Variants in CD8B2 observed in about 807,000 individuals in gnomAD.
CD8B2 encodes CD8B family member 2.
CD8B2 carries 11 observed loss-of-function variants against 23.7 expected under a neutral mutation model. The ratio of observed to expected loss-of-function variants is 0.46; its 90% CI spans 0.29 to 0.77. CD8B2 has a LOEUF of 0.77. Ranked by LOEUF, CD8B2 falls within the 30% of genes least tolerant of loss-of-function variation. The pLI, the probability that CD8B2 is intolerant of heterozygous loss-of-function variation, is 0.09. For missense variants in CD8B2, 197 were observed against 270.5 expected (o/e 0.73, Z 1.91); for synonymous variants, 90 against 109.3 (o/e 0.82, Z 1.10).
downstream of CD8B2, among the ~76,000 whole-genome samples, chr2:106,513,058 A>G (rs1004395111): frequency 1.4e-4 from 22 of 152,166 alleles, no homozygotes; most frequent in Admixed American, 2.6e-4. Flanking sequence ...CCACAAGCTG[A>G]GAGCACAGCC....
intron 1 of CD8B2, 70 bp downstream of exon 1, chr2:106,487,539 C>T (rs1679100570): frequency 7.4e-6 from 7 of 943,840 alleles, no homozygotes; most frequent in Non-Finnish European, 9.7e-6. Flanking sequence ...TGATACGTGG[C>T]TGTCCTGGCC....
chr2:106,506,794 C>T (rs1414091030), intron 5 of CD8B2, 134 bp from the exon 6 acceptor site: 10 of 1,208,604 alleles, frequency 8.3e-6, no homozygotes, highest in Non-Finnish European at 1.0e-5. Flanking sequence ...TAGAAACATA[C>T]TAACAAAAAA....
At chr2:106,514,390 C>T (rs371323040), downstream of CD8B2, among the ~76,000 whole-genome samples, 1 of 150,932 alleles carries the variant, frequency 6.6e-6, no homozygotes, top group East Asian at 2.0e-4. Context: ...CGGGTTCAAG[C>T]GATTCTCCTG....
chr2:106,488,167 G>T (rs1679115684), intron 1 of CD8B2, among the ~76,000 whole-genome samples: 2 of 152,044 alleles, frequency 1.3e-5, no homozygotes, highest in Admixed American at 6.6e-5. Context: ...TGCCCAAAAA[G>T]CCCAAAGCTG....
intron 3 of CD8B2, among the ~76,000 whole-genome samples, chr2:106,499,015 G>A (rs1573332559): frequency 6.6e-6 from 1 of 152,126 alleles, no homozygotes; most frequent in Non-Finnish European, 1.5e-5. Context: ...GGCTGGGGGT[G>A]TCATTGGTGT....
At chr2:106,527,129 T>C (rs533599153) in intron 5 of CD8B2, among the ~76,000 whole-genome samples, 1 of 152,322 alleles carries the variant, frequency 6.6e-6, no homozygotes, top group South Asian at 2.1e-4. Flanking sequence ...ACTTCTATAT[T>C]TAACTTTTTG....
chr2:106,506,995 C>T lies in CD8B2; in HGVS notation c.*55C>T. 1.9e-6 allele frequency: 3 copies of T among 1,549,840 alleles called. No homozygotes were observed. Among genetic ancestry groups the T allele is most frequent in the South Asian group, 1.3e-5 (1 of 79,482 alleles). ...CAAAAAGACATCGGTCAGTAACGAG[C>T]ACGATGTGGAAAAATGAGAGAAGGG... On this transcript the variant is annotated 3_prime_UTR_variant, in exon 6 of 6. Transcript: ENST00000643224.
rs13414724 is a variant in CD8B2, at chr2:106,503,088, T to G, written c.583+525T>G. 8.4e-3 allele frequency among the ~76,000 whole-genome samples: 1,223 copies of G among 144,944 alleles called. 26 individuals carry two copies. Among genetic ancestry groups the G allele is most frequent in the African/African-American group, 0.029 (1,143 of 39,062 alleles). On this transcript the variant is annotated intron_variant, in intron 4 of 5. Coordinates refer to ENST00000643224, the MANE Select transcript of CD8B2 (RefSeq NM_001349727.2). ...TGCTGCTCCCAGCCACCCCAGAGAC[T>G]GGACTGTTTCCTTCTATGGCCCCCA...
chr2:106,527,223 T>G (rs1679918877), intron 5 of CD8B2, among the ~76,000 whole-genome samples: 1 of 152,320 alleles, frequency 6.6e-6, no homozygotes, highest in Non-Finnish European at 1.5e-5. Context: ...TTGCACATCC[T>G]TGCTAGCACT....
chr2:106,538,271 G>A (rs1680119905), intron 5 of CD8B2, among the ~76,000 whole-genome samples: 1 of 152,178 alleles, frequency 6.6e-6, no homozygotes, highest in African/African-American at 2.4e-5. Context: ...GGCTGAGGAA[G>A]GTTTAGGCTG....
Position 106,507,346 on chromosome 2 carries a change from G to A in CD8B2, c.*406G>A, listed in dbSNP as rs1412308442. On this transcript the variant is annotated 3_prime_UTR_variant, in exon 6 of 6. Coordinates refer to ENST00000643224, the MANE Select transcript of CD8B2 (RefSeq NM_001349727.2). ...CCTGGGTCTTTCATGGGGTGATGCT[G>A]GGCTGGCTCCCTCTTGGTCTTCCCA... 47 of 993,054 alleles carry A rather than the reference G, an allele frequency of 4.7e-5. No homozygotes were observed. The highest frequency in any genetic ancestry group is 5.1e-5 in the Non-Finnish European group (43 of 835,002). The allele number at this position is 993,054 out of a possible 1,614,324, so 61.5% of individuals were successfully genotyped here.
intron 5 of CD8B2, among the ~76,000 whole-genome samples, chr2:106,543,641 C>G (rs903429840): frequency 1.3e-4 from 20 of 152,118 alleles, no homozygotes; most frequent in Admixed American, 3.9e-4. Context: ...GGGCGAGACT[C>G]TGTCTCAATA....
downstream of CD8B2, among the ~76,000 whole-genome samples, chr2:106,513,122 C>T (rs181160517): frequency 5.9e-3 from 891 of 151,972 alleles, 1 homozygote; most frequent in Non-Finnish European, 7.5e-3. Context: ...CCCACCCATC[C>T]GCCCACCCAC....
chr2:106,490,562 T>G (rs1414207143), intron 1 of CD8B2, among the ~76,000 whole-genome samples: 1 of 152,190 alleles, frequency 6.6e-6, no homozygotes, highest in Admixed American at 6.5e-5. Context: ...AAAGCCAGTT[T>G]GAGGCTTGAT....
chr2:106,538,594 G>A (rs1382431447), intron 5 of CD8B2, among the ~76,000 whole-genome samples: 1 of 152,144 alleles, frequency 6.6e-6, no homozygotes, highest in African/African-American at 2.4e-5. Flanking sequence ...GAGCCGAGCA[G>A]TGTCCTGAGT....
At chr2:106,496,086 C>A in intron 2 of CD8B2, 87 bp from the exon 3 acceptor site, 1 of 1,548,024 alleles carries the variant, frequency 6.5e-7, no homozygotes, top group East Asian at 2.4e-5. Flanking sequence ...GCATGAGCCA[C>A]CGCACCCGGC....
At chr2:106,494,950 A>AC (rs1573330051) in intron 2 of CD8B2, among the ~76,000 whole-genome samples, 1 of 152,190 alleles carries the variant, frequency 6.6e-6, no homozygotes, top group African/African-American at 2.4e-5. Flanking sequence ...GGTACTCTAC[A>AC]TGCAGAAAAG....
chr2:106,516,085 C>T (rs1679725277), downstream of CD8B2, among the ~76,000 whole-genome samples: 1 of 152,106 alleles, frequency 6.6e-6, no homozygotes, highest in Non-Finnish European at 1.5e-5. Context: ...CCGCCTTGGC[C>T]TCCCAAAGTA....
chr2:106,504,456 G>A lies in CD8B2; in HGVS notation c.620+131G>A, dbSNP rs186336664. 2,062 of 1,525,380 alleles carry A rather than the reference G, an allele frequency of 1.4e-3. 1 individual carries two copies. Among genetic ancestry groups the A allele is most frequent in the Non-Finnish European group, 1.7e-3 (1,923 of 1,132,288 alleles). 94.5% of individuals were successfully genotyped at this position (1,525,380 alleles called of 1,614,324 possible). A position where few individuals can be genotyped will look rare whatever the true frequency, so the allele number is the denominator to read the frequency against. ...CATAGACTCGGCCGGGCGTGGTAGT[G>A]CACACCTGTAGTCACAGCTACTCGG... On this transcript the variant is annotated intron_variant, in intron 5 of 5. Coordinates refer to ENST00000643224, the MANE Select transcript of CD8B2 (RefSeq NM_001349727.2).
Sources: gnomAD v4.1 joint callset for allele counts (sites outside exome capture counted in the v4.1 genomes callset) on GRCh38, gnomAD v4.1.1 for gene constraint, MANE v1.5 for transcripts, NCBI Gene and HGNC (gene_info 2026-07-23, HGNC 2026-07-21) for gene names.